The following BLTP1 variants were observed in gnomAD, a reference collection of about 807,000 sequenced individuals.
BLTP1 encodes bridge-like lipid transfer protein family member 1, also known as fragile site-associated protein.
chr4:122,232,671 T>C, the BLTP1 span, among the ~76,000 whole-genome samples: 1 of 152,108 alleles, frequency 6.6e-6, no homozygotes, highest in South Asian at 2.1e-4. Flanking sequence ...GTAGATTACG[T>C]TATAGAAGAG....
At chr4:122,281,858 G>T in the BLTP1 span, 1 of 1,358,050 alleles carries the variant, frequency 7.4e-7, no homozygotes, top group Non-Finnish European at 9.6e-7. Context: ...AGGTAAATTT[G>T]GTTTTATAGA....
chr4:122,185,981 A>T, the BLTP1 span: 1 of 1,360,280 alleles, frequency 7.4e-7, no homozygotes, highest in Non-Finnish European at 1.0e-6. Context: ...TTGAGTAAAA[A>T]CTTTGAAGTT....
chr4:122,247,173 G>C, the BLTP1 span: 16 of 1,609,476 alleles, frequency 9.9e-6, no homozygotes, highest in Non-Finnish European at 1.4e-5. Flanking sequence ...TGGTTGAAGA[G>C]ACTTCAAACA....
At chr4:122,284,611 C>A in the BLTP1 span, among the ~76,000 whole-genome samples, 2 of 148,648 alleles carry the variant, frequency 1.3e-5, no homozygotes, top group Non-Finnish European at 3.0e-5. Flanking sequence ...CCTGCTTATT[C>A]ATGTGTTTTG....
chr4:122,316,716 A>T, the BLTP1 span: 1 of 1,599,518 alleles, frequency 6.3e-7, no homozygotes, highest in Admixed American at 1.7e-5. Context: ...TGACAGATAC[A>T]CTTTTGACTT....
At chr4:122,316,783 C>T in the BLTP1 span, 2 of 1,613,230 alleles carry the variant, frequency 1.2e-6, no homozygotes, top group Non-Finnish European at 1.7e-6. Flanking sequence ...GCCGGGAGAA[C>T]TTAGAGGAAG....
the BLTP1 span, chr4:122,356,679 T>C: frequency 1.2e-6 from 2 of 1,613,922 alleles, no homozygotes; most frequent in African/African-American, 1.3e-5. Context: ...CTGACCACAT[T>C]TGTGTGACTA....
chr4:122,172,148 C>T, the BLTP1 span: 1 of 303,166 alleles, frequency 3.3e-6, no homozygotes, highest in Non-Finnish European at 4.8e-6. Context: ...TCAATCTAAG[C>T]TGCCCTGGGA....
At chr4:122,324,264 A>G in the BLTP1 span, 16 of 329,866 alleles carry the variant, frequency 4.9e-5, no homozygotes, top group Non-Finnish European at 6.5e-5. Flanking sequence ...GTTAGAACCA[A>G]AGAATAGCTG....
At chr4:122,235,614 G>A in the BLTP1 span, 3 of 250,742 alleles carry the variant, frequency 1.2e-5, no homozygotes, top group South Asian at 1.5e-4. Context: ...GACCATCCTG[G>A]CTAACGTGGT....
chr4:122,279,315 G>C, the BLTP1 span, among the ~76,000 whole-genome samples: 1 of 152,118 alleles, frequency 6.6e-6, no homozygotes, highest in African/African-American at 2.4e-5. Context: ...ATTGATACTT[G>C]GTTTGCCACT....
At chr4:122,219,346 TACTTTGGGGAAGATG>T in the BLTP1 span, 2 of 1,612,364 alleles carry the variant, frequency 1.2e-6, no homozygotes, top group Non-Finnish European at 1.7e-6. Flanking sequence ...ATAGGAAAAC[TACTTTGGGGAAGATG>T]ACATGTATAT....
the BLTP1 span, chr4:122,192,083 T>C: frequency 3.5e-5 from 23 of 663,760 alleles, 1 homozygote; most frequent in Non-Finnish European, 3.8e-5. Flanking sequence ...TAAGACAATA[T>C]GAGAACAACC....
At chr4:122,289,803 A>G in the BLTP1 span, 4 of 982,168 alleles carry the variant, frequency 4.1e-6, no homozygotes, top group African/African-American at 3.5e-5. Context: ...CTTTATGCTC[A>G]TGGATTAATT....
At chr4:122,176,312 A>AG in the BLTP1 span, among the ~76,000 whole-genome samples, 1 of 152,136 alleles carries the variant, frequency 6.6e-6, no homozygotes, top group African/African-American at 2.4e-5. Context: ...CAAAAAAAAA[A>AG]GAAAAAGAAA....
At chr4:122,221,090 G>A in the BLTP1 span, 1 of 976,928 alleles carries the variant, frequency 1.0e-6, no homozygotes, top group Non-Finnish European at 1.2e-6. Flanking sequence ...ATCAAGTTGT[G>A]TGATTTAGAA....
At chr4:122,356,044 C>T in the BLTP1 span, 2 of 1,325,676 alleles carry the variant, frequency 1.5e-6, no homozygotes, top group Non-Finnish European at 2.1e-6. Context: ...GCACTTCAAA[C>T]TACTGCTGTG....
the BLTP1 span, chr4:122,255,999 T>C: frequency 3.2e-5 from 30 of 949,774 alleles, no homozygotes; most frequent in Admixed American, 6.2e-5. Context: ...CAGGGACTAA[T>C]TGATGATTGA....
At chr4:122,258,769 C>T in the BLTP1 span, 2 of 1,613,984 alleles carry the variant, frequency 1.2e-6, no homozygotes, top group Non-Finnish European at 1.7e-6. Context: ...TAGCTCTGGA[C>T]CTGTAACTGG....
Sources: allele counts gnomAD v4.1 joint callset (sites outside exome capture counted in the v4.1 genomes callset), GRCh38; gene constraint gnomAD v4.1.1; transcripts MANE v1.5; gene names NCBI Gene and HGNC (gene_info 2026-07-23, HGNC 2026-07-21).